Variants in ARL15 observed in about 807,000 individuals in gnomAD.
The protein encoded by ARL15 is ADP-ribosylation factor-like protein 15.
Under a neutral mutation model 25.2 loss-of-function variants are expected in ARL15, and 19 were observed. The observed-to-expected ratio is 0.75, with a 90% CI of 0.53 to 1.10. The LOEUF is 1.10. Ranked by LOEUF, ARL15 falls within the 50% of genes least tolerant of loss-of-function variation. The probability of loss-of-function intolerance (pLI) is 0.00; values close to 1 mark genes in which losing one functional copy is unlikely to be tolerated. For synonymous variants in ARL15, 94 were observed against 86.8 expected (o/e 1.08, Z -0.46); for missense variants, 220 against 246.0 (o/e 0.89, Z 0.71).
intron 4 of ARL15, among the ~76,000 whole-genome samples, chr5:54,052,162 T>C (rs190492142): frequency 7.7e-4 from 118 of 152,272 alleles, no homozygotes; most frequent in Non-Finnish European, 1.3e-3. Flanking sequence ...TAGGGGATTT[T>C]TTTTATGGAG....
chr5:53,985,687 T>C (rs1748274736), intron 4 of ARL15, among the ~76,000 whole-genome samples: 2 of 152,228 alleles, frequency 1.3e-5, no homozygotes, highest in East Asian at 1.9e-4. Context: ...TGTGTATATA[T>C]AGTACATTTG....
intron 4 of ARL15, among the ~76,000 whole-genome samples, chr5:53,959,245 A>G (rs1266943150): frequency 1.3e-5 from 2 of 152,350 alleles, no homozygotes; most frequent in Non-Finnish European, 2.9e-5. Context: ...TTTCAAATAA[A>G]TGTGCTGGCT....
chr5:54,160,725 T>C (rs1055128839), intron 2 of ARL15, among the ~76,000 whole-genome samples: 2 of 152,150 alleles, frequency 1.3e-5, no homozygotes, highest in Non-Finnish European at 2.9e-5. Flanking sequence ...ATGTCAGAGG[T>C]GAAAAATTGC....
intron 4 of ARL15, among the ~76,000 whole-genome samples, chr5:53,927,572 T>G (rs1050266951): frequency 2.0e-5 from 3 of 152,232 alleles, no homozygotes; most frequent in Admixed American, 6.5e-5. Flanking sequence ...TTTTTGGCAC[T>G]GTCCATATCA....
chr5:54,114,263 C>T (rs1040313328), intron 3 of ARL15, among the ~76,000 whole-genome samples: 6 of 151,454 alleles, frequency 4.0e-5, no homozygotes, highest in Admixed American at 2.0e-4. Flanking sequence ...CCGGGCGTGG[C>T]GGCGGGTGCC....
chr5:54,226,297 C>T (rs983593704), intron 1 of ARL15, among the ~76,000 whole-genome samples: 1 of 152,006 alleles, frequency 6.6e-6, no homozygotes, highest in Non-Finnish European at 1.5e-5. Context: ...GGAACAAGCA[C>T]GTTTAGAGGA....
chr5:54,203,958 T>C (rs991762373), intron 1 of ARL15, among the ~76,000 whole-genome samples: 2 of 152,154 alleles, frequency 1.3e-5, no homozygotes, highest in South Asian at 2.1e-4. Flanking sequence ...GGGTTGTTTT[T>C]CTAATGTCCT....
intron 1 of ARL15, among the ~76,000 whole-genome samples, chr5:54,238,888 T>C (rs774572855): frequency 1.3e-5 from 2 of 152,218 alleles, no homozygotes; most frequent in Non-Finnish European, 2.9e-5. Flanking sequence ...AATGAACTCA[T>C]TTTGACATTC....
intron 1 of ARL15, among the ~76,000 whole-genome samples, chr5:54,210,288 T>C (rs1446335119): frequency 6.6e-6 from 1 of 152,220 alleles, no homozygotes; most frequent in Non-Finnish European, 1.5e-5. Context: ...ATTTTCTTTT[T>C]CATGAACTAT....
chr5:54,167,728 T>C, intron 2 of ARL15, among the ~76,000 whole-genome samples: 1 of 152,166 alleles, frequency 6.6e-6, no homozygotes, highest in Non-Finnish European at 1.5e-5. Flanking sequence ...AAACAAATTC[T>C]CTTAGCACTA....
At chr5:54,014,688 AT>A (rs112841956) in intron 4 of ARL15, among the ~76,000 whole-genome samples, 1,720 of 150,974 alleles carry the variant, frequency 0.011, 36 homozygotes, top group African/African-American at 0.039. Context: ...ACCTGGCTAG[AT>A]TTTTTTTTGT....
chr5:54,144,215 T>A (rs1468670792), intron 3 of ARL15, among the ~76,000 whole-genome samples: 2 of 152,036 alleles, frequency 1.3e-5, no homozygotes, highest in Non-Finnish European at 2.9e-5. Flanking sequence ...TTTTTTTTCA[T>A]ATTTTATGCT....
At chr5:53,965,663 T>C (rs1012401933) in intron 4 of ARL15, among the ~76,000 whole-genome samples, 2 of 151,996 alleles carry the variant, frequency 1.3e-5, no homozygotes, top group African/African-American at 2.4e-5. Flanking sequence ...CTTGTATCCT[T>C]GCTCACTGTT....
intron 1 of ARL15, among the ~76,000 whole-genome samples, chr5:54,224,973 A>G (rs1394735034): frequency 2.6e-5 from 4 of 152,232 alleles, no homozygotes; most frequent in Admixed American, 2.6e-4. Context: ...AAGGCACTGG[A>G]GTCAAACAGG....
At chr5:54,237,748 G>T (rs1455786842) in intron 1 of ARL15, among the ~76,000 whole-genome samples, 1 of 152,178 alleles carries the variant, frequency 6.6e-6, no homozygotes, top group African/African-American at 2.4e-5. Context: ...ATCCTTTGTA[G>T]AATTTGTCTT....
chr5:54,274,064 T>C (rs1428480750), intron 1 of ARL15, among the ~76,000 whole-genome samples: 1 of 152,076 alleles, frequency 6.6e-6, no homozygotes, highest in Non-Finnish European at 1.5e-5. Flanking sequence ...GTAGAAGAGA[T>C]CAAACTTGAG....
intron 1 of ARL15, among the ~76,000 whole-genome samples, chr5:54,183,481 TGCATCCCAG>T (rs901541347): frequency 7.4e-6 from 1 of 135,152 alleles, no homozygotes; most frequent in Non-Finnish European, 1.6e-5. Context: ...GAACCAGCCT[TGCATCCCAG>T]GGATGAAGCC....
chr5:54,200,406 C>T (rs1294506436), intron 1 of ARL15, among the ~76,000 whole-genome samples: 1 of 151,730 alleles, frequency 6.6e-6, no homozygotes, highest in Non-Finnish European at 1.5e-5. Flanking sequence ...GACAAGTCCT[C>T]ATCGGAGGCA....
At chr5:54,185,979 TAAC>T (rs1219910513) in intron 1 of ARL15, among the ~76,000 whole-genome samples, 1 of 152,144 alleles carries the variant, frequency 6.6e-6, no homozygotes, top group Non-Finnish European at 1.5e-5. Flanking sequence ...TTTGCAATAA[TAAC>T]AACAATTAAA....
Sources: allele counts gnomAD v4.1 joint callset (sites outside exome capture counted in the v4.1 genomes callset), GRCh38; gene constraint gnomAD v4.1.1; transcripts MANE v1.5; gene names NCBI Gene and HGNC (gene_info 2026-07-23, HGNC 2026-07-21).